The following BRINP3 variants were observed in gnomAD, a reference collection of about 807,000 sequenced individuals.
The protein encoded by BRINP3 is BMP/retinoic acid-inducible neural-specific protein 3.
BRINP3 carries 19 observed loss-of-function variants against 71.0 expected under a neutral mutation model. The ratio of observed to expected loss-of-function variants is 0.27; its 90% confidence interval spans 0.19 to 0.39. The LOEUF (loss-of-function observed/expected upper bound fraction) is 0.39, where lower values mean the gene tolerates loss of function less well. Ranked by LOEUF, BRINP3 falls within the 10% of genes least tolerant of loss-of-function variation. The pLI is 1.00. For missense variants in BRINP3, 959 were observed against 940.8 expected, an observed-to-expected ratio of 1.02 and a Z score of -0.25; for synonymous variants, 380 against 337.7, an observed-to-expected ratio of 1.13 and a Z score of -1.37.
intron 2 of BRINP3, among the ~76,000 whole-genome samples, chr1:190,404,302 TC>T (rs1343316346): frequency 2.6e-5 from 4 of 152,110 alleles, no homozygotes; most frequent in African/African-American, 7.2e-5. Flanking sequence ...AAAAATGAAT[TC>T]ATTAAAGAAA....
intron 2 of BRINP3, among the ~76,000 whole-genome samples, chr1:190,318,076 CTTTA>C (rs1666005212): frequency 6.6e-6 from 1 of 151,996 alleles, no homozygotes; most frequent in East Asian, 1.9e-4. Flanking sequence ...TTTCCTCTTT[CTTTA>C]TATTGGTAAA....
intron 2 of BRINP3, among the ~76,000 whole-genome samples, chr1:190,408,950 G>T (rs905714676): frequency 1.3e-5 from 2 of 152,182 alleles, no homozygotes. Flanking sequence ...CTTGTCTAAA[G>T]AAATTTTTTG....
intron 2 of BRINP3, among the ~76,000 whole-genome samples, chr1:190,435,975 T>G (rs1007978823): frequency 3.3e-5 from 5 of 151,928 alleles, no homozygotes; most frequent in Admixed American, 6.6e-5. Context: ...ATAGACAAAA[T>G]AGATTTTGTA....
intron 3 of BRINP3, among the ~76,000 whole-genome samples, chr1:190,278,535 C>A (rs1015782943): frequency 6.6e-6 from 1 of 151,544 alleles, no homozygotes; most frequent in African/African-American, 2.4e-5. Context: ...TCGCAGATAT[C>A]TTATATCCTT....
chr1:190,350,815 T>A lies in BRINP3; in HGVS notation c.237-69065A>T, dbSNP rs547389901. Among the ~76,000 whole-genome samples, 8 of 131,226 alleles carry A rather than the reference T, an allele frequency of 6.1e-5. No homozygotes were observed. In the East Asian group the frequency reaches 1.9e-3, roughly 31 times the overall value. The allele number at this position is 131,226 out of a possible 152,430, so 86.1% of individuals were successfully genotyped here. A position where few individuals can be genotyped will look rare whatever the true frequency, so the allele number is the denominator to read the frequency against. On this transcript the variant is annotated intron_variant, in intron 2 of 7. Transcript: ENST00000367462. ...CTTCTGCAGCCAGAATCAATCAAGT[T>A]CACCTTGTTTTTTTTTTTTTTTTTT... is the stretch of plus-strand genomic sequence containing the variant.
At chr1:190,381,886 T>C (rs1242036854) in intron 2 of BRINP3, among the ~76,000 whole-genome samples, 1 of 152,158 alleles carries the variant, frequency 6.6e-6, no homozygotes, top group Admixed American at 6.6e-5. Context: ...TCATATTTTA[T>C]ATGGTAATGT....
chr1:190,388,887 C>T (rs1211581431), intron 2 of BRINP3, among the ~76,000 whole-genome samples: 1 of 151,566 alleles, frequency 6.6e-6, no homozygotes, highest in African/African-American at 2.4e-5. Context: ...ATACAGAATG[C>T]TTGATATTAT....
chr1:190,429,990 A>G (rs959247781), intron 2 of BRINP3, among the ~76,000 whole-genome samples: 1 of 152,146 alleles, frequency 6.6e-6, no homozygotes, highest in Non-Finnish European at 1.5e-5. Flanking sequence ...ACAAAACATA[A>G]TCTTGTTACA....
chr1:190,261,510 T>C, intron 4 of BRINP3, among the ~76,000 whole-genome samples: 1 of 152,162 alleles, frequency 6.6e-6, no homozygotes, highest in East Asian at 1.9e-4. Flanking sequence ...TTCCACTTTC[T>C]AGAAACTGGC....
At chr1:190,221,842 G>T (rs1363583044) in intron 6 of BRINP3, among the ~76,000 whole-genome samples, 2 of 152,050 alleles carry the variant, frequency 1.3e-5, no homozygotes, top group Non-Finnish European at 2.9e-5. Context: ...TGATAAAGGG[G>T]TCAATACAGC....
chr1:190,275,948 GAT>G (rs932002323), intron 3 of BRINP3, among the ~76,000 whole-genome samples: 28 of 148,298 alleles, frequency 1.9e-4, no homozygotes, highest in African/African-American at 2.2e-4. Context: ...AGTGAAACAT[GAT>G]ATATATATAT....
intron 2 of BRINP3, among the ~76,000 whole-genome samples, chr1:190,408,219 T>C (rs985754273): frequency 1.4e-5 from 2 of 147,810 alleles, no homozygotes; most frequent in Admixed American, 1.4e-4. Context: ...TTTTTTTTTG[T>C]ATTTTTAGTA....
chr1:190,405,563 C>G (rs1015216135), intron 2 of BRINP3, among the ~76,000 whole-genome samples: 1 of 142,048 alleles, frequency 7.0e-6, no homozygotes, highest in Non-Finnish European at 1.5e-5. Context: ...TCTGTTGATG[C>G]TGCAAGATCA....
intron 2 of BRINP3, among the ~76,000 whole-genome samples, chr1:190,398,574 C>A (rs997823886): frequency 6.6e-6 from 1 of 151,718 alleles, no homozygotes; most frequent in Admixed American, 6.6e-5. Flanking sequence ...TGATTGCTAG[C>A]AAATAGGCTA....
At chr1:190,112,592 C>T (rs116591163) in intron 7 of BRINP3, among the ~76,000 whole-genome samples, 1,580 of 152,192 alleles carry the variant, frequency 0.01, 34 homozygotes, top group African/African-American at 0.035. Context: ...TTAATAAGTA[C>T]ATACTGAATT....
chr1:190,255,392 G>A (rs188084583), intron 4 of BRINP3, among the ~76,000 whole-genome samples: 2 of 152,020 alleles, frequency 1.3e-5, no homozygotes, highest in African/African-American at 4.8e-5. Context: ...GGTATAATTT[G>A]GCTGGGAATC....
intron 6 of BRINP3, among the ~76,000 whole-genome samples, chr1:190,197,168 C>T (rs1376177311): frequency 6.6e-6 from 1 of 151,422 alleles, no homozygotes; most frequent in African/African-American, 2.4e-5. Flanking sequence ...GAGAACTCCC[C>T]TTTATAAAAC....
chr1:190,434,249 A>G (rs1347761228), intron 2 of BRINP3, among the ~76,000 whole-genome samples: 2 of 151,910 alleles, frequency 1.3e-5, no homozygotes, highest in Non-Finnish European at 2.9e-5. Context: ...AGCTGGGATT[A>G]CAGATGCCCA....
Position 190,453,203 on chromosome 1 carries a change from A to ATTTTTTTTTTTTTTTTTTTTTTTTTTTT in BRINP3, c.236+1424_236+1451dup, listed in dbSNP as rs1190785225. Among the ~76,000 whole-genome samples the ATTTTTTTTTTTTTTTTTTTTTTTTTTTT allele has an allele frequency of 5.4e-4, 22 of 40,910 alleles. 8 individuals are homozygous for ATTTTTTTTTTTTTTTTTTTTTTTTTTTT. Among genetic ancestry groups the ATTTTTTTTTTTTTTTTTTTTTTTTTTTT allele is most frequent in the East Asian group, 1.8e-3 (2 of 1,090 alleles). 26.8% of individuals were successfully genotyped at this position (40,910 alleles called of 152,430 possible). A position where few individuals can be genotyped will look rare whatever the true frequency, so the allele number is the denominator to read the frequency against. ...ACTTTTCAGAAAGAAAAACTTTAGT[A>ATTTTTTTTTTTTTTTTTTTTTTTTTTTT]TTTTTTTTTTTTTTTTTTTTTTTTT... is the stretch of plus-strand genomic sequence containing the variant. On this transcript the variant is annotated intron_variant, in intron 2 of 7. Transcript: ENST00000367462.
Sources: gnomAD v4.1 joint callset for allele counts (sites outside exome capture counted in the v4.1 genomes callset) on GRCh38, gnomAD v4.1.1 for gene constraint, MANE v1.5 for transcripts, NCBI Gene and HGNC (gene_info 2026-07-23, HGNC 2026-07-21) for gene names.